Variants in ASIC2 observed in about 807,000 individuals in gnomAD.
ASIC2 encodes the protein acid sensing ion channel subunit 2.
Under a neutral mutation model 57.3 loss-of-function variants are expected in ASIC2, and 25 were observed. The ratio of observed to expected loss-of-function variants is 0.44; its 90% CI spans 0.32 to 0.61. The LOEUF is 0.61. ASIC2 is among the 20% of genes least tolerant of loss of function. The pLI, the probability that ASIC2 is intolerant of heterozygous loss-of-function variation, is 0.06. For synonymous variants in ASIC2, 319 were observed against 307.5 expected (o/e 1.04, Z -0.39); for missense variants, 641 against 738.1 (o/e 0.87, Z 1.52).
chr17:33,426,984 T>G (rs962043), intron 1 of ASIC2, among the ~76,000 whole-genome samples: 112,038 of 152,154 alleles, frequency 0.74, 41,780 homozygotes, highest in Middle Eastern at 0.79. Context: ...AAGAGCTCTT[T>G]CAAAGGCCCT....
chr17:33,081,342 C>T (rs974845692), intron 3 of ASIC2, among the ~76,000 whole-genome samples: 3 of 152,218 alleles, frequency 2.0e-5, no homozygotes, highest in Non-Finnish European at 4.4e-5. Flanking sequence ...AGTAGCTAAA[C>T]TAGCATATGC....
chr17:33,747,624 C>T (rs996323887), intron 1 of ASIC2, among the ~76,000 whole-genome samples: 5 of 152,202 alleles, frequency 3.3e-5, no homozygotes, highest in East Asian at 1.9e-4. Context: ...CTTCCCACTG[C>T]TGCTGTCAGG....
chr17:33,223,091 T>C (rs1189961742), intron 1 of ASIC2, among the ~76,000 whole-genome samples: 1 of 152,228 alleles, frequency 6.6e-6, no homozygotes, highest in African/African-American at 2.4e-5. Context: ...TAATTAACCC[T>C]ATTTTAGATG....
intron 1 of ASIC2, among the ~76,000 whole-genome samples, chr17:33,807,093 C>A (rs530020198): frequency 3.9e-5 from 6 of 152,166 alleles, no homozygotes; most frequent in African/African-American, 1.4e-4. Context: ...AGCATCTTCC[C>A]CTACACTCCA....
At chr17:33,433,533 A>T (rs1597726655) in intron 1 of ASIC2, among the ~76,000 whole-genome samples, 1 of 152,202 alleles carries the variant, frequency 6.6e-6, no homozygotes, top group Non-Finnish European at 1.5e-5. Context: ...AGGCGGGTGG[A>T]TCTCTTGAGG....
chr17:33,468,736 G>T (rs897705110), intron 1 of ASIC2, among the ~76,000 whole-genome samples: 24 of 151,618 alleles, frequency 1.6e-4, no homozygotes, highest in Admixed American at 6.6e-4. Flanking sequence ...AAAACTGAGG[G>T]TTAAAAAAAT....
intron 1 of ASIC2, among the ~76,000 whole-genome samples, chr17:33,779,544 G>A (rs1911385302): frequency 1.3e-5 from 2 of 152,178 alleles, no homozygotes. Flanking sequence ...AGTGCTCTCA[G>A]AAGTTTCAGC....
intron 1 of ASIC2, among the ~76,000 whole-genome samples, chr17:33,722,803 C>T (rs973552453): frequency 2.0e-5 from 3 of 152,062 alleles, no homozygotes; most frequent in Non-Finnish European, 2.9e-5. Flanking sequence ...ATATCCAAAG[C>T]ACCAATAAGC....
At chr17:33,106,208 G>A (rs2092233716) in intron 2 of ASIC2, among the ~76,000 whole-genome samples, 1 of 152,138 alleles carries the variant, frequency 6.6e-6, no homozygotes, top group African/African-American at 2.4e-5. Flanking sequence ...GGTTAACAAG[G>A]TGAGGGGAGG....
chr17:33,713,871 G>A (rs148933163), intron 1 of ASIC2, among the ~76,000 whole-genome samples: 2,021 of 152,320 alleles, frequency 0.013, 17 homozygotes, highest in Non-Finnish European at 0.02. Context: ...GAGGGATTTA[G>A]CAGCTAAGGC....
intron 1 of ASIC2, among the ~76,000 whole-genome samples, chr17:33,153,975 C>T (rs1249284266): frequency 6.6e-6 from 1 of 152,176 alleles, no homozygotes; most frequent in Non-Finnish European, 1.5e-5. Context: ...CCCCACTCTG[C>T]TTATCCTGTT....
chr17:34,106,510 C>T (rs1049286241), intron 1 of ASIC2, among the ~76,000 whole-genome samples: 3 of 152,086 alleles, frequency 2.0e-5, no homozygotes, highest in Non-Finnish European at 4.4e-5. Context: ...TGTATGTCTG[C>T]ATGTATGTAT....
chr17:33,956,213 G>C (rs985272219), intron 1 of ASIC2, among the ~76,000 whole-genome samples: 1 of 152,180 alleles, frequency 6.6e-6, no homozygotes. Context: ...ATAGGAGCGG[G>C]AGCGCTGGGA....
intron 1 of ASIC2, chr17:34,036,996 A>G (rs1220296384): frequency 6.6e-6 from 1 of 152,598 alleles, no homozygotes; most frequent in Non-Finnish European, 1.5e-5. Context: ...TACGGGTTTC[A>G]CTTTATGACC....
chr17:33,132,340 A>G (rs114663257), intron 1 of ASIC2, among the ~76,000 whole-genome samples: 1,947 of 152,224 alleles, frequency 0.013, 43 homozygotes, highest in African/African-American at 0.044. Context: ...CCATCTTACA[A>G]AGGCTGTCAT....
chr17:33,810,983 A>G (rs9892446), intron 1 of ASIC2, among the ~76,000 whole-genome samples: 114,455 of 152,102 alleles, frequency 0.75, 43,906 homozygotes, highest in African/African-American at 0.84. Flanking sequence ...CTGGCCTCAG[A>G]ACAGCCGGGG....
At chr17:33,432,190 A>C (rs1037962943) in intron 1 of ASIC2, among the ~76,000 whole-genome samples, 1 of 152,152 alleles carries the variant, frequency 6.6e-6, no homozygotes, top group Non-Finnish European at 1.5e-5. Context: ...CCTCCTCCAC[A>C]GTCTACTCAA....
chr17:33,204,422 G>C (rs1216382160), intron 1 of ASIC2, among the ~76,000 whole-genome samples: 2 of 152,168 alleles, frequency 1.3e-5, no homozygotes, highest in Admixed American at 6.5e-5. Flanking sequence ...CCACCCCCGG[G>C]AGTCAGGCAG....
chr17:33,820,546 T>C (rs1912712637), intron 1 of ASIC2, among the ~76,000 whole-genome samples: 1 of 152,332 alleles, frequency 6.6e-6, no homozygotes, highest in South Asian at 2.1e-4. Context: ...GATGCCAATA[T>C]ACGTGTATAC....
Sources: allele counts gnomAD v4.1 joint callset (sites outside exome capture counted in the v4.1 genomes callset), GRCh38; gene constraint gnomAD v4.1.1; transcripts MANE v1.5; gene names NCBI Gene and HGNC (gene_info 2026-07-23, HGNC 2026-07-21).